The following NCAM1 variants were observed in gnomAD, a reference collection of about 807,000 sequenced individuals.
NCAM1 encodes antigen recognized by monoclonal antibody 5.1H11.
In NCAM1, 14 loss-of-function variants were observed where a neutral mutation model predicts 109.8. That is an observed-to-expected ratio of 0.13 (90% CI 0.08 to 0.20). The LOEUF is 0.20. Ranked by LOEUF, NCAM1 falls within the 10% of genes least tolerant of loss-of-function variation. The pLI is 1.00. For synonymous variants in NCAM1, 418 were observed against 442.9 expected, an observed-to-expected ratio of 0.94 and a Z score of 0.70; for missense variants, 774 against 1,109.9, an observed-to-expected ratio of 0.70 and a Z score of 4.30.
At position 112,961,556 on chromosome 11, in the gene NCAM1, G is replaced by A. The variant is rs572184546; in HGVS notation, c.-57G>A. On this transcript the variant is annotated 5_prime_UTR_variant, in exon 1 of 20. Coordinates refer to ENST00000316851, the MANE Select transcript of NCAM1 (RefSeq NM_181351.5). ...CAGCCGCCGTCCACACTCGCTGCAG[G>A]GGGGGGGGCACAGAATTTACCGCGG... is the stretch of plus-strand genomic sequence containing the variant. 4 of 1,104,126 alleles carry A rather than the reference G, an allele frequency of 3.6e-6. No individual in the cohort carries two copies. Among genetic ancestry groups the A allele is most frequent in the Non-Finnish European group, 5.6e-6 (4 of 716,452 alleles). The allele number at this position is 1,104,126 out of a possible 1,614,324, so 68.4% of individuals were successfully genotyped here. A position where few individuals can be genotyped will look rare whatever the true frequency, so the allele number is the denominator to read the frequency against.
rs7114841 is a variant in NCAM1 at position 113,213,770 on chromosome 11, C to T, written c.917-599C>T. Among the ~76,000 whole-genome samples, 594 of 152,302 alleles carry T rather than the reference C, an allele frequency of 3.9e-3. 5 individuals are homozygous for T. The highest frequency in any genetic ancestry group is 0.014 in the African/African-American group (568 of 41,562). On this transcript the variant is annotated intron_variant, in intron 7 of 19. Coordinates refer to ENST00000316851, the MANE Select transcript of NCAM1 (RefSeq NM_181351.5). ...TGCCAGGGCTTCCAAACTGGTTTTC[C>T]CACTTCAAAGTGTTCTCTAGTCCAA... is the stretch of plus-strand genomic sequence containing the variant.
In NCAM1 at chr11:113,118,904, A is replaced by G. The variant is rs142703811; in HGVS notation, c.53-83475A>G. On this transcript the variant is annotated intron_variant, in intron 1 of 19. Coordinates refer to ENST00000316851, the MANE Select transcript of NCAM1 (RefSeq NM_181351.5). Reference sequence around the variant, plus strand: ...TTTCAAATACCAAAATCAAATGATTACAGGGCACAGACAAACAAAAATCAA... The same window carrying G: ...TTTCAAATACCAAAATCAAATGATTGCAGGGCACAGACAAACAAAAATCAA... 2.1e-3 allele frequency among the ~76,000 whole-genome samples: 326 copies of G among 152,216 alleles called. 6 individuals are homozygous for G. The highest frequency in any genetic ancestry group is 7.4e-3 in the African/African-American group (308 of 41,442).
chr11:113,227,258 T>C (rs1944879098), intron 9 of NCAM1, among the ~76,000 whole-genome samples: 1 of 151,694 alleles, frequency 6.6e-6, no homozygotes, highest in African/African-American at 2.4e-5. Flanking sequence ...ATATCACCAC[T>C]GATCCCACAG....
chr11:113,183,295 G>A (rs1485907046), intron 1 of NCAM1, among the ~76,000 whole-genome samples: 2 of 152,216 alleles, frequency 1.3e-5, no homozygotes, highest in Non-Finnish European at 2.9e-5. Flanking sequence ...GAATCCGGAT[G>A]CCCTGCCACG....
chr11:113,198,454 C>G (rs1379711875), intron 1 of NCAM1, among the ~76,000 whole-genome samples: 1 of 151,896 alleles, frequency 6.6e-6, no homozygotes, highest in Non-Finnish European at 1.5e-5. Context: ...TCACTGCAAC[C>G]TCCACCTCCC....
intron 1 of NCAM1, among the ~76,000 whole-genome samples, chr11:113,142,132 A>T (rs1555100561): frequency 6.6e-6 from 1 of 152,162 alleles, no homozygotes; most frequent in African/African-American, 2.4e-5. Context: ...CCCCAGTAAC[A>T]GGCTTAGTAC....
chr11:113,231,652 A>T lies in NCAM1; in HGVS notation c.1097A>T (p.Asp366Val), dbSNP rs782423517. 10 of 1,136,706 alleles carry T rather than the reference A, an allele frequency of 8.8e-6. No homozygotes were observed. The highest frequency in any genetic ancestry group is 1.2e-5 in the Non-Finnish European group (9 of 767,302). The allele number at this position is 1,136,706 out of a possible 1,614,324, so 70.4% of individuals were successfully genotyped here. Residue 366 changes from aspartate (D) to valine (V), a missense_variant, in exon 10 of 20, where the codon GAT becomes GTT. Around this residue, in one of 4 missense-constraint regions of NCAM1, gnomAD observed 523 missense variants for 784.2 expected, o/e 0.67. Transcript: ENST00000316851. ...WTRPEKQETL[D>V]GHMVVRSHAR... is the part of the protein sequence containing the mutation. Reference sequence around the variant, plus strand: ...CCCCCCCACCCCCGGCAGACTCTGGATGGGCACATGGTGGTGCGTAGCCAT... The same window carrying T: ...CCCCCCCACCCCCGGCAGACTCTGGTTGGGCACATGGTGGTGCGTAGCCAT...
intron 1 of NCAM1, among the ~76,000 whole-genome samples, chr11:113,018,908 T>G (rs1177079669): frequency 1.3e-5 from 2 of 152,160 alleles, no homozygotes; most frequent in African/African-American, 4.8e-5. Context: ...TGTTGGACTT[T>G]TTATGAGAAG....
At chr11:113,135,687 C>A (rs1463772218) in intron 1 of NCAM1, among the ~76,000 whole-genome samples, 1 of 152,166 alleles carries the variant, frequency 6.6e-6, no homozygotes, top group East Asian at 1.9e-4. Flanking sequence ...CAAGGACGTG[C>A]TGGACTATGC....
At chr11:113,159,455 C>T (rs1195892626) in intron 1 of NCAM1, among the ~76,000 whole-genome samples, 1 of 151,992 alleles carries the variant, frequency 6.6e-6, no homozygotes, top group Non-Finnish European at 1.5e-5. Flanking sequence ...TTCAGTTCAC[C>T]TGTCTCCCTC....
intron 1 of NCAM1, among the ~76,000 whole-genome samples, chr11:113,049,653 C>T (rs1953394300): frequency 6.6e-6 from 1 of 152,112 alleles, no homozygotes; most frequent in Non-Finnish European, 1.5e-5. Flanking sequence ...GCTGCCCTGC[C>T]ACAAAAAGTG....
intron 17 of NCAM1, chr11:113,262,836 A>T: frequency 6.2e-7 from 1 of 1,613,530 alleles, no homozygotes; most frequent in African/African-American, 1.3e-5. Flanking sequence ...CCATTGCTTG[A>T]CACCTGCAGC....
chr11:113,016,309 G>A (rs1474120510), intron 1 of NCAM1, among the ~76,000 whole-genome samples: 1 of 152,096 alleles, frequency 6.6e-6, no homozygotes, highest in Non-Finnish European at 1.5e-5. Flanking sequence ...GTTTTAGGGA[G>A]GCCAAGCAAC....
chr11:113,097,904 G>A (rs948309803), intron 1 of NCAM1, among the ~76,000 whole-genome samples: 3 of 152,110 alleles, frequency 2.0e-5, no homozygotes, highest in Admixed American at 2.0e-4. Flanking sequence ...TGTTGCAGGG[G>A]CAATGAAGCT....
chr11:113,095,230 T>C (rs966382000), intron 1 of NCAM1, among the ~76,000 whole-genome samples: 1 of 152,218 alleles, frequency 6.6e-6, no homozygotes, highest in Non-Finnish European at 1.5e-5. Flanking sequence ...TTGTGCTGTG[T>C]CTTTAATTCC....
At chr11:113,150,133 A>G (rs989479694) in intron 1 of NCAM1, among the ~76,000 whole-genome samples, 1 of 152,216 alleles carries the variant, frequency 6.6e-6, no homozygotes, top group Non-Finnish European at 1.5e-5. Flanking sequence ...ATAAATAAAC[A>G]TTTCTAAGGT....
At chr11:113,108,445 T>A (rs916055297) in intron 1 of NCAM1, among the ~76,000 whole-genome samples, 1 of 152,210 alleles carries the variant, frequency 6.6e-6, no homozygotes, top group Admixed American at 6.5e-5. Flanking sequence ...CTTTCCCAGA[T>A]TTAGAGAGGA....
chr11:113,001,218 C>G (rs1354394051), intron 1 of NCAM1, among the ~76,000 whole-genome samples: 4 of 152,156 alleles, frequency 2.6e-5, no homozygotes, highest in Admixed American at 1.3e-4. Context: ...GTATGTCCCC[C>G]ACACAGATAC....
At position 113,002,136 on chromosome 11, in the gene NCAM1, G is replaced by C. The variant is rs141700629; in HGVS notation, c.52+40472G>C. On this transcript the variant is annotated intron_variant, in intron 1 of 19. Transcript: ENST00000316851. ...ATGCCCCTAACCCCTGAAGTTGGAGGGTGGAAGAGTCAACCTCACCTTAAT... is the reference window on the plus strand; with the variant it reads ...ATGCCCCTAACCCCTGAAGTTGGAGCGTGGAAGAGTCAACCTCACCTTAAT... Among the ~76,000 whole-genome samples, 667 of 152,310 alleles carry C rather than the reference G, an allele frequency of 4.4e-3. 2 individuals are homozygous for C. Among genetic ancestry groups the C allele is most frequent in the Non-Finnish European group, 7.3e-3 (496 of 68,026 alleles).
Sources: gnomAD v4.1 joint callset for allele counts (sites outside exome capture counted in the v4.1 genomes callset) on GRCh38, gnomAD v4.1.1 for gene constraint, gnomAD v4.1.1 regional missense constraint, MANE v1.5 for transcripts, NCBI Gene and HGNC (gene_info 2026-07-23, HGNC 2026-07-21) for gene names.